Variants in ZNF536 observed in about 807,000 individuals in gnomAD.
The protein encoded by ZNF536 is zinc finger protein 536.
ZNF536 carries 13 observed loss-of-function variants against 84.5 expected under a neutral mutation model. The observed-to-expected ratio is 0.15, with a 90% confidence interval of 0.10 to 0.24. The LOEUF (loss-of-function observed/expected upper bound fraction) is 0.24, where lower values mean the gene tolerates loss of function less well. ZNF536 is among the 10% of genes least tolerant of loss of function. ZNF536 has a pLI of 1.00. For missense variants in ZNF536, 1,536 were observed against 1,747.5 expected (o/e 0.88, Z 2.16); for synonymous variants, 811 against 742.5 (o/e 1.09, Z -1.50).
intron 2 of ZNF536, among the ~76,000 whole-genome samples, chr19:30,465,535 C>T (rs983498864): frequency 1.3e-5 from 2 of 152,172 alleles, no homozygotes; most frequent in African/African-American, 4.8e-5. Flanking sequence ...TCGCCAGCAC[C>T]CACGGCAGTG....
At chr19:30,514,081 T>C (rs1282363209) in intron 2 of ZNF536, among the ~76,000 whole-genome samples, 1 of 152,196 alleles carries the variant, frequency 6.6e-6, no homozygotes, top group African/African-American at 2.4e-5. Flanking sequence ...GAGTGGTCCT[T>C]GACCCGTGGC....
At chr19:30,678,736 C>CA (rs2050852189) in intron 1 of ZNF536, among the ~76,000 whole-genome samples, 1 of 150,868 alleles carries the variant, frequency 6.6e-6, no homozygotes, top group African/African-American at 2.4e-5. Flanking sequence ...CCCCCAAGCC[C>CA]CCCCACACAC....
chr19:30,432,758 C>T (rs1384845442), intron 1 of ZNF536, among the ~76,000 whole-genome samples: 2 of 152,162 alleles, frequency 1.3e-5, no homozygotes, highest in Non-Finnish European at 2.9e-5. Flanking sequence ...ACTGCCTTTT[C>T]TAGCTGCGCA....
chr19:30,407,950 C>T (rs2050329937), intron 1 of ZNF536, among the ~76,000 whole-genome samples: 1 of 152,042 alleles, frequency 6.6e-6, no homozygotes, highest in Admixed American at 6.6e-5. Flanking sequence ...CTGGGGTTTC[C>T]TTTGTTGAGA....
intron 1 of ZNF536, among the ~76,000 whole-genome samples, chr19:30,605,365 C>T (rs1170963181): frequency 1.3e-5 from 2 of 151,854 alleles, no homozygotes; most frequent in East Asian, 3.9e-4. Flanking sequence ...AAGTCCCCAA[C>T]ATTCATTATA....
At chr19:30,237,004 C>T (rs2023574083) in intron 1 of ZNF536, among the ~76,000 whole-genome samples, 1 of 151,954 alleles carries the variant, frequency 6.6e-6, no homozygotes, top group Non-Finnish European at 1.5e-5. Flanking sequence ...ACTTGATCCT[C>T]ACGTCTCAAA....
chr19:30,626,643 G>A lies in ZNF536; in HGVS notation c.169+77129G>A, dbSNP rs781399134. 2.0e-5 allele frequency among the ~76,000 whole-genome samples: 3 copies of A among 152,050 alleles called. No homozygotes were observed. In the East Asian group the frequency reaches 5.8e-4, roughly 30 times the overall value. On this transcript the variant is annotated intron_variant, in intron 1 of 1. Coordinates refer to the ZNF536 transcript ENST00000592773. Reference sequence around the variant, plus strand: ...TGGAGGCTCAGGAAGGAGGCCGTCCGCTGCCCCAATGGGCTCAGGAGCACC... The same window carrying A: ...TGGAGGCTCAGGAAGGAGGCCGTCCACTGCCCCAATGGGCTCAGGAGCACC...
At chr19:30,515,509 A>G (rs11881766) in intron 2 of ZNF536, among the ~76,000 whole-genome samples, 47,089 of 151,914 alleles carry the variant, frequency 0.31, 8,368 homozygotes, top group African/African-American at 0.5. Flanking sequence ...TCCTCATGGG[A>G]AGTGTCCCGT....
intron 1 of ZNF536, among the ~76,000 whole-genome samples, chr19:30,390,241 T>C (rs1233742527): frequency 1.3e-5 from 2 of 152,176 alleles, no homozygotes; most frequent in Admixed American, 6.5e-5. Flanking sequence ...TACTTTAATC[T>C]TTAGTTCAGC....
In ZNF536 at chr19:30,638,436, A is replaced by G. The variant is rs766534188; in HGVS notation, c.170-72321A>G. 1.6e-4 allele frequency among the ~76,000 whole-genome samples: 24 copies of G among 152,316 alleles called. No homozygotes were observed. In the East Asian group the frequency reaches 4.6e-3, roughly 29 times the overall value. ...CTCAGGAAACTTACAGTCATGGTGGAAGGTGAAGTGGGAGCCAGCACTTCA... is the reference window on the plus strand; with the variant it reads ...CTCAGGAAACTTACAGTCATGGTGGGAGGTGAAGTGGGAGCCAGCACTTCA... On this transcript the variant is annotated intron_variant, in intron 1 of 1. Transcript: ENST00000592773.
intron 1 of ZNF536, among the ~76,000 whole-genome samples, chr19:30,276,672 C>A (rs1453166238): frequency 1.3e-5 from 2 of 152,136 alleles, no homozygotes; most frequent in Non-Finnish European, 2.9e-5. Context: ...AGCTATGGAA[C>A]AATTAGGCAG....
chr19:30,445,702 A>G lies in ZNF536; in HGVS notation c.2140A>G (p.Ser714Gly), dbSNP rs1204538749. 6.3e-7 allele frequency: 1 copy of G among 1,581,532 alleles called. No homozygotes were observed. The highest frequency in any genetic ancestry group is 8.6e-7 in the Non-Finnish European group (1 of 1,162,772). Residue 714 changes from serine (S) to glycine (G), a missense_variant, in exon 2 of 5, where the codon AGC (serine) becomes GGC (glycine). This residue lies in a region of ZNF536 where 148 missense variants were observed against 205.4 expected (regional missense o/e 0.72). Coordinates refer to ENST00000355537, the MANE Select transcript of ZNF536 (RefSeq NM_014717.3). The surrounding 1 kb of genome is among the most constrained non-coding windows in gnomAD (Gnocchi z 4.5). ...CCAGACCGGGAGTGCCCAGGAGGAC[A>G]GCCCGCACCCCTCCTCGCCATCCTC... ...LSQTGSAQED[S>G]PHPSSPSSSD...
intron 1 of ZNF536, among the ~76,000 whole-genome samples, chr19:30,375,295 C>G (rs893702189): frequency 2.6e-5 from 4 of 150,946 alleles, no homozygotes; most frequent in Admixed American, 2.0e-4. Flanking sequence ...CGCGAGCGGC[C>G]GCACTTCACC....
At chr19:30,413,858 G>A (rs183242177) in intron 1 of ZNF536, among the ~76,000 whole-genome samples, 15 of 152,076 alleles carry the variant, frequency 9.9e-5, no homozygotes, top group South Asian at 8.3e-4. Flanking sequence ...TTGGGAGGCC[G>A]AGGTGGGCAA....
chr19:30,343,073 A>G (rs1416938136), intron 2 of ZNF536, among the ~76,000 whole-genome samples: 1 of 151,764 alleles, frequency 6.6e-6, no homozygotes, highest in Non-Finnish European at 1.5e-5. Context: ...TGTCTCCCCC[A>G]CCCTCGGCCC....
At chr19:30,457,783 A>G (rs8113277) in intron 2 of ZNF536, among the ~76,000 whole-genome samples, 10,573 of 152,188 alleles carry the variant, frequency 0.069, 512 homozygotes, top group Admixed American at 0.14. Flanking sequence ...GAGGGCTCAC[A>G]TTTTATCCAT....
At chr19:30,676,416 C>T (rs765498110) in intron 1 of ZNF536, among the ~76,000 whole-genome samples, 4 of 152,206 alleles carry the variant, frequency 2.6e-5, no homozygotes, top group South Asian at 2.1e-4. Context: ...CACATGCCTC[C>T]ATCATAGGTC....
At chr19:30,419,202 C>G (rs2050854964) in intron 1 of ZNF536, among the ~76,000 whole-genome samples, 1 of 152,188 alleles carries the variant, frequency 6.6e-6, no homozygotes, top group Non-Finnish European at 1.5e-5. Flanking sequence ...ACTGAAACGT[C>G]TTTTGAAAGC....
chr19:30,499,820 A>T (rs1325909185), intron 2 of ZNF536, among the ~76,000 whole-genome samples: 2 of 152,132 alleles, frequency 1.3e-5, no homozygotes, highest in Non-Finnish European at 2.9e-5. Context: ...GTTAACTCTT[A>T]TCCAGCAAGG....
Sources: gnomAD v4.1 joint callset for allele counts (sites outside exome capture counted in the v4.1 genomes callset) on GRCh38, gnomAD v4.1.1 for gene constraint, gnomAD v4.1.1 regional missense constraint, Gnocchi (gnomAD v3.1) non-coding constraint, MANE v1.5 for transcripts, NCBI Gene and HGNC (gene_info 2026-07-23, HGNC 2026-07-21) for gene names.